ADGRB3: variants seen among roughly 807,000 people sequenced by gnomAD.
The protein encoded by ADGRB3 is brain-specific angiogenesis inhibitor 3.
In ADGRB3, 37 loss-of-function variants were observed where a neutral mutation model predicts 193.4. That is an observed-to-expected ratio of 0.19 (90% CI 0.15 to 0.25). The LOEUF (loss-of-function observed/expected upper bound fraction) is 0.25. ADGRB3 is among the 10% of genes least tolerant of loss of function. The probability of loss-of-function intolerance (pLI) is 1.00; values close to 1 mark genes in which losing one functional copy is unlikely to be tolerated. For synonymous variants in ADGRB3, 690 were observed against 644.2 expected, an observed-to-expected ratio of 1.07 and a Z score of -1.08; for missense variants, 1,637 against 1,852.9, an observed-to-expected ratio of 0.88 and a Z score of 2.14.
At chr6:68,714,383 A>G (rs943088568) in intron 3 of ADGRB3, among the ~76,000 whole-genome samples, 3 of 151,744 alleles carry the variant, frequency 2.0e-5, no homozygotes, top group Non-Finnish European at 4.4e-5. Context: ...TTTTGTCACC[A>G]TATGGTGACA....
intron 3 of ADGRB3, among the ~76,000 whole-genome samples, chr6:68,907,186 T>C (rs1414378931): frequency 6.6e-6 from 1 of 151,954 alleles, no homozygotes; most frequent in East Asian, 1.9e-4. Flanking sequence ...TATACTTTGT[T>C]TTTACTAAAT....
At chr6:69,197,050 A>G (rs962966297) in intron 17 of ADGRB3, among the ~76,000 whole-genome samples, 1 of 152,072 alleles carries the variant, frequency 6.6e-6, no homozygotes, top group Non-Finnish European at 1.5e-5. Context: ...TTTGCCAACT[A>G]TATCAATATG....
chr6:69,047,081 G>A (rs1382013201), intron 13 of ADGRB3, among the ~76,000 whole-genome samples: 1 of 152,176 alleles, frequency 6.6e-6, no homozygotes, highest in East Asian at 1.9e-4. Context: ...GGATGGTCTC[G>A]ATCTCCTGAC....
intron 3 of ADGRB3, among the ~76,000 whole-genome samples, chr6:68,864,884 A>G (rs1455498975): frequency 1.7e-5 from 2 of 117,260 alleles, no homozygotes; most frequent in African/African-American, 5.2e-5. Context: ...AGCAAGTAGT[A>G]TCTGAATAGA....
At chr6:69,293,003 C>T (rs1290058240) in intron 20 of ADGRB3, among the ~76,000 whole-genome samples, 1 of 152,022 alleles carries the variant, frequency 6.6e-6, no homozygotes, top group Non-Finnish European at 1.5e-5. Context: ...CCCCTCCCTC[C>T]ACTGTCACAT....
intron 3 of ADGRB3, among the ~76,000 whole-genome samples, chr6:68,794,142 T>C (rs949683635): frequency 6.6e-5 from 10 of 152,118 alleles, no homozygotes; most frequent in African/African-American, 1.4e-4. Context: ...CAAATCAACA[T>C]TGGAGCTCGT....
intron 11 of ADGRB3, among the ~76,000 whole-genome samples, chr6:69,007,550 TC>T (rs1769794822): frequency 6.6e-6 from 1 of 152,108 alleles, no homozygotes; most frequent in African/African-American, 2.4e-5. Context: ...TCTTCCCTTT[TC>T]TTCTGGAACT....
intron 10 of ADGRB3, among the ~76,000 whole-genome samples, chr6:68,980,997 A>G (rs1768893624): frequency 1.3e-5 from 2 of 151,630 alleles, no homozygotes; most frequent in South Asian, 4.2e-4. Flanking sequence ...TATTATTACT[A>G]ATTATAACAT....
chr6:68,827,006 T>C (rs1052495744), intron 3 of ADGRB3, among the ~76,000 whole-genome samples: 7 of 152,210 alleles, frequency 4.6e-5, no homozygotes, highest in African/African-American at 1.4e-4. Context: ...ACTGGAGATA[T>C]AAATTTGAGT....
At chr6:68,905,074 G>T (rs1766504688) in intron 3 of ADGRB3, among the ~76,000 whole-genome samples, 2 of 152,186 alleles carry the variant, frequency 1.3e-5, no homozygotes, top group Non-Finnish European at 2.9e-5. Context: ...AAATCACAAT[G>T]AAGAAAATGT....
At chr6:69,350,986 C>T (rs1474355220) in intron 26 of ADGRB3, among the ~76,000 whole-genome samples, 1 of 151,874 alleles carries the variant, frequency 6.6e-6, no homozygotes, top group Non-Finnish European at 1.5e-5. Flanking sequence ...GTATTCTATT[C>T]TGTGATAAGA....
At chr6:68,931,664 T>A (rs1160523214) in intron 4 of ADGRB3, among the ~76,000 whole-genome samples, 1 of 152,142 alleles carries the variant, frequency 6.6e-6, no homozygotes, top group Non-Finnish European at 1.5e-5. Context: ...AATATTTCCT[T>A]CAGTTCACAT....
At chr6:69,060,123 T>A (rs753779404) in intron 15 of ADGRB3, among the ~76,000 whole-genome samples, 1 of 152,058 alleles carries the variant, frequency 6.6e-6, no homozygotes, top group Non-Finnish European at 1.5e-5. Context: ...TATGCATGAA[T>A]AAATTGACAC....
chr6:68,956,855 G>T (rs1463393705), intron 8 of ADGRB3, 46 bp downstream of exon 8: 1 of 1,487,538 alleles, frequency 6.7e-7, no homozygotes, highest in Non-Finnish European at 9.2e-7. Context: ...TTCATAACGT[G>T]AAAAAAAAAA....
chr6:68,764,164 C>T (rs13200410), intron 3 of ADGRB3, among the ~76,000 whole-genome samples: 14,793 of 152,192 alleles, frequency 0.097, 878 homozygotes, highest in Middle Eastern at 0.15. Context: ...CATGCGATCT[C>T]GACCATCAGT....
chr6:68,882,617 T>C (rs1765762999), intron 3 of ADGRB3, among the ~76,000 whole-genome samples: 1 of 152,192 alleles, frequency 6.6e-6, no homozygotes, highest in Admixed American at 6.5e-5. Flanking sequence ...CTGAATGGGA[T>C]GATTTTCTTT....
intron 11 of ADGRB3, among the ~76,000 whole-genome samples, chr6:69,012,622 TA>T (rs1382929979): frequency 2.0e-5 from 3 of 152,104 alleles, no homozygotes; most frequent in African/African-American, 7.2e-5. Context: ...GCAGGTTTTT[TA>T]AGAGTTGCAT....
intron 3 of ADGRB3, among the ~76,000 whole-genome samples, chr6:68,788,817 G>A (rs1767033295): frequency 6.6e-6 from 1 of 152,192 alleles, no homozygotes. Context: ...CTAAGGACTT[G>A]CTTTATGAAT....
At chr6:69,316,574 C>T (rs1768317486) in intron 20 of ADGRB3, among the ~76,000 whole-genome samples, 1 of 151,318 alleles carries the variant, frequency 6.6e-6, no homozygotes, top group African/African-American at 2.4e-5. Context: ...CTAGGAAAGC[C>T]TTTCACAACT....
Sources: allele counts gnomAD v4.1 joint callset (sites outside exome capture counted in the v4.1 genomes callset), GRCh38; gene constraint gnomAD v4.1.1; transcripts MANE v1.5; gene names NCBI Gene and HGNC (gene_info 2026-07-23, HGNC 2026-07-21).